Variants in INSL6 observed in about 807,000 individuals in gnomAD.
INSL6 encodes the protein insulin-like peptide INSL6.
In INSL6, 16 loss-of-function variants were observed where a neutral mutation model predicts 9.4. The ratio of observed to expected loss-of-function variants is 1.70; its 90% CI spans 1.15 to 2.59. The LOEUF (loss-of-function observed/expected upper bound fraction) is 2.59, where lower values mean the gene tolerates loss of function less well. Among genes scored for constraint, INSL6 ranks in the 30% most tolerant of loss-of-function variants. The probability of loss-of-function intolerance (pLI) is 0.00; values close to 1 mark genes in which losing one functional copy is unlikely to be tolerated. For missense variants in INSL6, 391 were observed against 257.3 expected (o/e 1.52, Z -3.56); for synonymous variants, 154 against 96.9 (o/e 1.59, Z -3.46).
At chr9:5,172,096 G>T (rs949275937) in intron 1 of INSL6, among the ~76,000 whole-genome samples, 6 of 151,938 alleles carry the variant, frequency 3.9e-5, no homozygotes, top group African/African-American at 9.7e-5. Flanking sequence ...ATACTACAAG[G>T]GTACAGTAAC....
chr9:5,094,767 G>A, the INSL6 span: 1 of 152,060 alleles, frequency 6.6e-6, no homozygotes, highest in Middle Eastern at 3.2e-3. Flanking sequence ...GAATATTATT[G>A]TATAAATGCC....
the INSL6 span, chr9:5,107,930 T>TA: frequency 6.6e-6 from 1 of 152,174 alleles, no homozygotes; most frequent in South Asian, 2.1e-4. Context: ...ACTTCAGTGC[T>TA]AAAAATTATT....
At chr9:5,104,290 A>G in the INSL6 span, among the ~76,000 whole-genome samples, 1 of 152,244 alleles carries the variant, frequency 6.6e-6, no homozygotes, top group Non-Finnish European at 1.5e-5. Context: ...TAACACCTCT[A>G]CACAAATAAA....
chr9:5,015,603 C>T, the INSL6 span, among the ~76,000 whole-genome samples: 287 of 151,256 alleles, frequency 1.9e-3, 1 homozygote, highest in African/African-American at 6.7e-3. Context: ...GGCATGAGCA[C>T]AATCACTGCT....
At chr9:5,007,512 G>T in the INSL6 span, among the ~76,000 whole-genome samples, 1 of 152,028 alleles carries the variant, frequency 6.6e-6, no homozygotes, top group African/African-American at 2.4e-5. Context: ...CAATGCATAC[G>T]TGAGTTTTTT....
chr9:5,003,038 G>T, the INSL6 span, among the ~76,000 whole-genome samples: 6 of 151,842 alleles, frequency 4.0e-5, no homozygotes, highest in East Asian at 1.2e-3. Context: ...TCCAAATTAG[G>T]TAACTGTATG....
At chr9:5,090,261 T>C in the INSL6 span, among the ~76,000 whole-genome samples, 1 of 152,230 alleles carries the variant, frequency 6.6e-6, no homozygotes, top group African/African-American at 2.4e-5. Context: ...AAAGCTTTTA[T>C]TCATTCAAAA....
At chr9:5,090,474 A>C in the INSL6 span, 1 of 1,572,514 alleles carries the variant, frequency 6.4e-7, no homozygotes, top group Non-Finnish European at 8.6e-7. Context: ...TAATTATGGA[A>C]TATTTACCAT....
the INSL6 span, among the ~76,000 whole-genome samples, chr9:5,068,642 T>C: frequency 9.2e-5 from 14 of 152,350 alleles, no homozygotes; most frequent in Non-Finnish European, 1.8e-4. Flanking sequence ...ACGTAGGTTG[T>C]ATGTTGGCAG....
intron 2 of INSL6, among the ~76,000 whole-genome samples, chr9:5,148,763 T>C (rs1299613717): frequency 6.6e-6 from 1 of 152,058 alleles, no homozygotes; most frequent in Non-Finnish European, 1.5e-5. Flanking sequence ...TTTCCAGACA[T>C]TTGGGGTTGG....
chr9:5,057,992 A>G, the INSL6 span, among the ~76,000 whole-genome samples: 1 of 152,194 alleles, frequency 6.6e-6, no homozygotes, highest in East Asian at 1.9e-4. Context: ...AATATACTCA[A>G]GGTTCATTTG....
At chr9:5,042,515 A>T in the INSL6 span, among the ~76,000 whole-genome samples, 2 of 152,168 alleles carry the variant, frequency 1.3e-5, no homozygotes, top group South Asian at 2.1e-4. Flanking sequence ...GGAATAAAGG[A>T]AAAAAAAGAA....
At chr9:5,093,626 C>G in the INSL6 span, among the ~76,000 whole-genome samples, 1 of 152,088 alleles carries the variant, frequency 6.6e-6, no homozygotes, top group Non-Finnish European at 1.5e-5. Flanking sequence ...TTGGGGTGAC[C>G]TCATAGCATA....
the INSL6 span, chr9:5,090,944 T>C: frequency 2.8e-6 from 4 of 1,408,226 alleles, no homozygotes; most frequent in Non-Finnish European, 2.9e-6. Context: ...AATGAAATTT[T>C]AGAGCACAGA....
At chr9:5,028,217 C>CA in the INSL6 span, among the ~76,000 whole-genome samples, 117 of 152,304 alleles carry the variant, frequency 7.7e-4, 1 homozygote, top group Non-Finnish European at 3.1e-4. Context: ...GGCATGAAAA[C>CA]AACATGAAAT....
intron 1 of INSL6, among the ~76,000 whole-genome samples, chr9:5,182,732 G>A (rs1021683531): frequency 1.3e-5 from 2 of 152,130 alleles, no homozygotes; most frequent in Admixed American, 6.5e-5. Context: ...TACAGATTAT[G>A]AAAAGCTGAT....
At position 5,163,927 on chromosome 9, in the gene INSL6, T is replaced by C; in HGVS notation, c.628A>G (p.Thr210Ala). 1 of 1,595,814 alleles carries C rather than the reference T, an allele frequency of 6.3e-7. No individual in the cohort carries two copies. The highest frequency in any genetic ancestry group is 8.5e-7 in the Non-Finnish European group (1 of 1,170,628). ...RLKEKRSSLVTKIY is the reference protein window; with the variant it reads ...RLKEKRSSLVAKIY The stretch of plus-strand genomic sequence containing the variant: ...TTCTAAGATGGTTAGTATATCTTAG[T>C]TACAAGTGATGATCTTTTTTCCTTT... The change falls in exon 2 of 2, where the codon ACT becomes GCT. Residue 210 changes from threonine to alanine, a missense_variant. Coordinates refer to ENST00000381641, the MANE Select transcript of INSL6 (RefSeq NM_007179.3).
the INSL6 span, among the ~76,000 whole-genome samples, chr9:5,064,352 A>G: frequency 6.6e-6 from 1 of 152,132 alleles, no homozygotes; most frequent in Non-Finnish European, 1.5e-5. Context: ...CAACATGGCG[A>G]GAACCTGTCT....
rs145340474 is a variant in INSL6, at chr9:5,132,553, T to TAA, written c.*10+870_*10+871dup. Among the ~76,000 whole-genome samples, 1,048 of 145,034 alleles carry TAA rather than the reference T, an allele frequency of 7.2e-3. 9 individuals carry two copies. The highest frequency in any genetic ancestry group is 0.025 in the African/African-American group (1,003 of 40,222). On this transcript the variant is annotated intron_variant, in intron 3 of 3. Transcript: ENST00000649639. ...TTAGTAAAACATTTTTTCTTTTTCT[T>TAA]AAAAAAAAAAAAGACTATCCATATT...
Sources: allele counts gnomAD v4.1 joint callset (sites outside exome capture counted in the v4.1 genomes callset), GRCh38; gene constraint gnomAD v4.1.1; transcripts MANE v1.5; gene names NCBI Gene and HGNC (gene_info 2026-07-23, HGNC 2026-07-21).